Variants in PIEZO1 observed in about 807,000 individuals in gnomAD.
The protein encoded by PIEZO1 is piezo type mechanosensitive ion channel component 1 (Er blood group), also known as piezo-type mechanosensitive ion channel component 1.
PIEZO1 carries 296 observed loss-of-function variants against 297.2 expected under a neutral mutation model. The ratio of observed to expected loss-of-function variants is 1.00; its 90% CI spans 0.91 to 1.10. The LOEUF (loss-of-function observed/expected upper bound fraction) is 1.10, where lower values mean the gene tolerates loss of function less well. PIEZO1 is among the 50% of genes least tolerant of loss of function. The pLI is 0.00. For synonymous variants in PIEZO1, 2,427 were observed against 1,507.5 expected (o/e 1.61, Z -14.13); for missense variants, 5,018 against 3,455.5 (o/e 1.45, Z -11.34).
chr16:88,737,431 C>A (rs774869548), intron 10 of PIEZO1, 128 bp downstream of exon 10: 5 of 641,232 alleles, frequency 7.8e-6, no homozygotes, highest in Admixed American at 3.0e-5. Flanking sequence ...ATGTCCTGGG[C>A]CCCCGAGGGG....
intron 31 of PIEZO1, among the ~76,000 whole-genome samples, chr16:88,723,644 G>C (rs1207521504): frequency 6.6e-6 from 1 of 152,274 alleles, no homozygotes; most frequent in Non-Finnish European, 1.5e-5. Flanking sequence ...CCAGAACCTG[G>C]GTGGTCAGAG....
chr16:88,732,194 G>A lies in PIEZO1; in HGVS notation c.2991+141C>T, dbSNP rs144825195. 3,981 of 688,968 alleles carry A rather than the reference G, an allele frequency of 5.8e-3. 91 individuals are homozygous for A. Among genetic ancestry groups the A allele is most frequent in the African/African-American group, 0.054 (3,052 of 56,030 alleles). The allele number at this position is 688,968 out of a possible 1,614,324, so 42.7% of individuals were successfully genotyped here. On this transcript the variant is annotated intron_variant, in intron 21 of 50. Transcript: ENST00000301015. ...CACACCACAGGAGTCCAGGGAAGCCGTGCCTGGCCCTGAGTCCCCCACCCT... is the reference window on the plus strand; with the variant it reads ...CACACCACAGGAGTCCAGGGAAGCCATGCCTGGCCCTGAGTCCCCCACCCT...
In PIEZO1 at chr16:88,726,187, C is replaced by T. The variant is rs933273332; in HGVS notation, c.3968+97G>A. The T allele has an allele frequency of 3.8e-6, 4 of 1,039,034 alleles. No individual in the cohort carries two copies. The Admixed American group carries it at 1.1e-4, about 28-fold the overall frequency. 64.4% of individuals were successfully genotyped at this position (1,039,034 alleles called of 1,614,324 possible). On this transcript the variant is annotated intron_variant, in intron 27 of 50. Transcript: ENST00000301015. ...CATGTCACAGAGTGGCAGAGCCTGC[C>T]CTCCACGGGCCGGGGCCTGAGACAG...
At position 88,722,683 on chromosome 16, in the gene PIEZO1, C is replaced by T. The variant is rs758484631; in HGVS notation, c.4675G>A (p.Glu1559Lys). 1.6e-5 allele frequency: 25 copies of T among 1,537,186 alleles called. No individual in the cohort carries two copies. The South Asian group carries it at 1.7e-4, about 10-fold the overall frequency. Residue 1559 changes from glutamate (E) to lysine (K), a missense_variant, in exon 35 of 51, where the codon GAA becomes AAA. Transcript: ENST00000301015. ...LLTQELLQGG[E>K]VHRGVLDQLY... ...TGATCCAGCACGCCCCTGTGCACTT[C>T]GCCGCCCTGCAGGGCACAGCAGGGG...
chr16:88,753,139 G>GC (rs1240382708), intron 1 of PIEZO1, among the ~76,000 whole-genome samples: 28 of 64,310 alleles, frequency 4.4e-4, no homozygotes, highest in African/African-American at 1.7e-3. Context: ...GAGCACCCCT[G>GC]CCCCCCCAGA....
intron 1 of PIEZO1, among the ~76,000 whole-genome samples, chr16:88,756,746 C>T (rs921747003): frequency 2.0e-5 from 3 of 151,120 alleles, no homozygotes; most frequent in Non-Finnish European, 4.4e-5. Context: ...CCAGCCTGGG[C>T]AATAGAGCAA....
chr16:88,734,727 G>T lies in PIEZO1; in HGVS notation c.1920C>A (p.Val640=). 1 of 1,550,330 alleles carries T rather than the reference G, an allele frequency of 6.5e-7. No individual in the cohort carries two copies. Among genetic ancestry groups the T allele is most frequent in the Non-Finnish European group, 8.7e-7 (1 of 1,146,942 alleles). Residue 640 remains valine (V), a synonymous_variant, in exon 15 of 51, where the codon GTC becomes GTA. Transcript: ENST00000301015. Reference sequence around the variant, plus strand: ...ACTGGAAGGTGTAGACGGCGATGAGGACCAGCATGGTGTAGGCCACCACGA... The same window carrying T: ...ACTGGAAGGTGTAGACGGCGATGAGTACCAGCATGGTGTAGGCCACCACGA... ...WWLVVAYTML[V]LIAVYTFQFQ...
intron 1 of PIEZO1, among the ~76,000 whole-genome samples, chr16:88,766,401 C>T (rs146786564): frequency 4.7e-4 from 71 of 152,312 alleles, no homozygotes; most frequent in Middle Eastern, 3.4e-3. Flanking sequence ...CCCACAATCG[C>T]GTGCGTCAGC....
At chr16:88,779,302 G>T (rs955526311) in intron 1 of PIEZO1, among the ~76,000 whole-genome samples, 1 of 152,180 alleles carries the variant, frequency 6.6e-6, no homozygotes, top group Admixed American at 6.5e-5. Flanking sequence ...GCTTCCCAAA[G>T]TGCTGGGATT....
In PIEZO1 at chr16:88,721,296, G is replaced by C. The variant is rs8043924; in HGVS notation, c.5538C>G (p.Ala1846=). The C allele has an allele frequency of 0.87, 1,349,071 of 1,545,320 alleles. 589,635 individuals are homozygous for C. Among genetic ancestry groups the C allele is most frequent in the East Asian group, 0.91 (37,162 of 40,870 alleles). ...GGGTCCCGTCCGTGGGTCCGACCCT[G>C]GCTTCCACCTGAATGTGGTCTTCGG... The part of the protein sequence containing the change: ...ATTEDHIQVE[A]RVGPTDGTPE... The change falls in exon 39 of 51, where the codon GCC becomes GCG. Residue 1846 remains alanine (A), a synonymous_variant. Transcript: ENST00000301015.
chr16:88,751,527 G>A lies in PIEZO1; in HGVS notation c.65-2048C>T, dbSNP rs1201396758. Among the ~76,000 whole-genome samples the A allele has an allele frequency of 5.9e-5, 9 of 152,154 alleles. No individual in the cohort carries two copies. The East Asian group carries it at 9.6e-4, about 16-fold the overall frequency. On this transcript the variant is annotated intron_variant, in intron 1 of 50. Coordinates refer to ENST00000301015, the MANE Select transcript of PIEZO1 (RefSeq NM_001142864.4). ...TGCCGGGCTCCGGGGGGCACCGCCC[G>A]CCCTGCTGGACACAGCAGCCTCCCC...
At chr16:88,771,349 G>C (rs1253552404) in intron 1 of PIEZO1, among the ~76,000 whole-genome samples, 4 of 152,162 alleles carry the variant, frequency 2.6e-5, no homozygotes, top group African/African-American at 4.8e-5. Flanking sequence ...CCAGGACTGG[G>C]AGCCTCATCT....
At chr16:88,753,954 G>T (rs116020042) in intron 1 of PIEZO1, among the ~76,000 whole-genome samples, 8 of 152,232 alleles carry the variant, frequency 5.3e-5, no homozygotes, top group African/African-American at 1.4e-4. Flanking sequence ...GCGGGGACAG[G>T]AGCCTGCCCT....
intron 1 of PIEZO1, among the ~76,000 whole-genome samples, chr16:88,760,167 C>T (rs1906864871): frequency 6.6e-6 from 1 of 152,160 alleles, no homozygotes; most frequent in Non-Finnish European, 1.5e-5. Flanking sequence ...CCTCCGTGCC[C>T]TCAGTGACAG....
In PIEZO1 at chr16:88,721,530, ACACT is replaced by A. The variant is rs752591770; in HGVS notation, c.5403+4_5403+7del. ...AGCCCCGCATTGCCAGCCAAGGCTC[ACACT>A]CACCAGCAGCTGGGAGCGGTGGAAG... On this transcript the variant is annotated splice_donor_5th_base_variant and intron_variant, in intron 38 of 50. Transcript: ENST00000301015. 3 of 1,546,906 alleles carry A rather than the reference ACACT, an allele frequency of 1.9e-6. No individual in the cohort carries two copies. The highest frequency in any genetic ancestry group is 1.7e-6 in the Non-Finnish European group (2 of 1,144,576).
chr16:88,738,833 C>A, intron 5 of PIEZO1, 97 bp from the exon 6 acceptor site: 3 of 1,096,868 alleles, frequency 2.7e-6, no homozygotes, highest in Non-Finnish European at 2.6e-6. Context: ...GAGGCGGCCA[C>A]ATCCACAGCT....
chr16:88,732,308 C>CA, intron 21 of PIEZO1, 27 bp downstream of exon 21: 1 of 1,536,250 alleles, frequency 6.5e-7, no homozygotes, highest in African/African-American at 1.4e-5. Context: ...AGCCCTGCCC[C>CA]AGGGGGAGGC....
In PIEZO1 at chr16:88,722,973, G is replaced by A. The variant is rs868079583; in HGVS notation, c.4532C>T (p.Ala1511Val). Residue 1511 changes from alanine to valine, a missense_variant, in exon 34 of 51, where the codon GCG (alanine) becomes GTG (valine). Ala to Val is a moderately conservative substitution (Grantham distance 64, BLOSUM62 0). Transcript: ENST00000301015. ...CTGCCCCAGCATCCACAGGAACTGC[G>A]CCGTGCTCAGCACCCTCTGCACCAC... ...SHVVQRVLST[A>V]QFLWMLGQAL... 21 of 1,548,384 alleles carry A rather than the reference G, an allele frequency of 1.4e-5. No individual in the cohort carries two copies. Among genetic ancestry groups the A allele is most frequent in the Middle Eastern group, 1.7e-4 (1 of 5,970 alleles).
chr16:88,756,903 T>G (rs377698175), intron 1 of PIEZO1, among the ~76,000 whole-genome samples: 125 of 151,850 alleles, frequency 8.2e-4, no homozygotes, highest in Non-Finnish European at 3.8e-4. Context: ...GGTGAAACCC[T>G]GTCTCTACTA....
Sources: gnomAD v4.1 joint callset for allele counts (sites outside exome capture counted in the v4.1 genomes callset) on GRCh38, gnomAD v4.1.1 for gene constraint, MANE v1.5 for transcripts, NCBI Gene and HGNC (gene_info 2026-07-23, HGNC 2026-07-21) for gene names.